PANK1: variants seen among roughly 807,000 people sequenced by gnomAD.
PANK1 encodes pantothenate kinase 1.
Under a neutral mutation model 40.1 loss-of-function variants are expected in PANK1, and 18 were observed. The ratio of observed to expected loss-of-function variants is 0.45; its 90% CI spans 0.31 to 0.67. PANK1 has a LOEUF of 0.67. PANK1 is among the 30% of genes least tolerant of loss of function. The probability of loss-of-function intolerance (pLI) is 0.06; values close to 1 mark genes in which losing one functional copy is unlikely to be tolerated. For missense variants in PANK1, 457 were observed against 599.6 expected (o/e 0.76, Z 2.48); for synonymous variants, 242 against 237.7 (o/e 1.02, Z -0.17).
chr10:89,643,545 T>A lies in PANK1; in HGVS notation c.292+1055A>T, dbSNP rs879190291. The stretch of plus-strand genomic sequence containing the variant: ...TAATCCAATACAGAAAAGCTAAGAG[T>A]CAAAAAGACATAGAAACAGGGAAAA... On this transcript the variant is annotated intron_variant, in intron 1 of 6. Transcript: ENST00000307534. 5 of 593,766 alleles carry A rather than the reference T, an allele frequency of 8.4e-6. No individual in the cohort carries two copies. In the Admixed American group the frequency reaches 1.2e-4, roughly 14 times the overall value. 36.8% of individuals were successfully genotyped at this position (593,766 alleles called of 1,614,324 possible).
chr10:89,611,999 C>T lies in PANK1; in HGVS notation c.342G>A (p.Val114=). 1.2e-6 allele frequency: 2 copies of T among 1,614,040 alleles called. No individual in the cohort carries two copies. Among genetic ancestry groups the T allele is most frequent in the Non-Finnish European group, 1.7e-6 (2 of 1,180,026 alleles). ...MDIGGTLVKL[V]YFEPKDITAE... ...CTGTAATATCCTTCGGCTCGAAATA[C>T]ACCAATTTAACCAGCGTTCCACCGA... Residue 114 remains valine, a synonymous_variant, in exon 2 of 7, where the codon GTG becomes GTA. Coordinates refer to ENST00000307534, the MANE Select transcript of PANK1 (RefSeq NM_148977.3).
At chr10:89,616,116 A>ACAGCAGGAAACCAGGCTC (rs1845307307) in intron 1 of PANK1, among the ~76,000 whole-genome samples, 1 of 152,242 alleles carries the variant, frequency 6.6e-6, no homozygotes. Flanking sequence ...TCAACAACGT[A>ACAGCAGGAAACCAGGCTC]CAGCAGGAAA....
intron 1 of PANK1, among the ~76,000 whole-genome samples, chr10:89,623,414 C>T (rs1257750111): frequency 2.0e-5 from 3 of 151,860 alleles, no homozygotes; most frequent in East Asian, 3.9e-4. Flanking sequence ...TTAGTGGAGA[C>T]GAGGTTTCAC....
At chr10:89,598,524 C>T (rs1019129217) in intron 3 of PANK1, among the ~76,000 whole-genome samples, 5 of 152,188 alleles carry the variant, frequency 3.3e-5, no homozygotes, top group Admixed American at 1.3e-4. Context: ...ATATCAAATC[C>T]TCCTCCTAGA....
Position 89,611,713 on chromosome 10 carries a change from C to T in PANK1, c.628G>A (p.Glu210Lys). ...CGACCTACCATTCTGAAGTCCTCTT[C>T]GAATTTGAAAGCCCCGCCTCCTGTG... Reference protein sequence around the residue: ...CATGGGAFKFEEDFRMIADLQ... With the variant: ...CATGGGAFKFKEDFRMIADLQ... The change falls in exon 2 of 7, where the codon GAA becomes AAA. Residue 210 changes from glutamate to lysine, a missense_variant. Glu to Lys is a moderately conservative substitution (Grantham distance 56, BLOSUM62 1). Coordinates refer to ENST00000307534, the MANE Select transcript of PANK1 (RefSeq NM_148977.3). The T allele has an allele frequency of 2.5e-6, 4 of 1,608,374 alleles. No individual in the cohort carries two copies. The highest frequency in any genetic ancestry group is 2.2e-5 in the East Asian group (1 of 44,786).
Position 89,644,893 on chromosome 10 carries a change from C to T in PANK1, c.-2G>A, listed in dbSNP as rs1411022021. 10 of 1,516,134 alleles carry T rather than the reference C, an allele frequency of 6.6e-6. No homozygotes were observed. The highest frequency in any genetic ancestry group is 2.3e-5 in the Admixed American group (1 of 43,842). The allele number at this position is 1,516,134 out of a possible 1,614,324, so 93.9% of individuals were successfully genotyped here. On this transcript the variant is annotated 5_prime_UTR_variant, in exon 1 of 7. Transcript: ENST00000307534. ...CTGCTGCCCGCTGCGGTCGCCCATG[C>T]CGGGGGCTGGCGGGGCTGTGCGCGG... is the stretch of plus-strand genomic sequence containing the variant.
Position 89,621,039 on chromosome 10 carries a change from C to T in PANK1, c.293-8991G>A, listed in dbSNP as rs189821563. 1.1e-4 allele frequency among the ~76,000 whole-genome samples: 17 copies of T among 152,248 alleles called. No homozygotes were observed. The East Asian group carries it at 1.2e-3, about 10-fold the overall frequency. Reference sequence around the variant, plus strand: ...TGTTAAGGCCGGGTGCGGTGGTTCACGCCTGTAATCCCAGCACTTTGGGAG... The same window carrying T: ...TGTTAAGGCCGGGTGCGGTGGTTCATGCCTGTAATCCCAGCACTTTGGGAG... On this transcript the variant is annotated intron_variant, in intron 1 of 6. Transcript: ENST00000307534.
chr10:89,600,177 G>A (rs1396959640), intron 2 of PANK1, among the ~76,000 whole-genome samples: 1 of 152,232 alleles, frequency 6.6e-6, no homozygotes, highest in Non-Finnish European at 1.5e-5. Context: ...AAGTTTATTT[G>A]TTATAGCAGT....
At chr10:89,627,788 A>G (rs1290264542) in intron 1 of PANK1, among the ~76,000 whole-genome samples, 1 of 152,226 alleles carries the variant, frequency 6.6e-6, no homozygotes, top group African/African-American at 2.4e-5. Flanking sequence ...TAACTATCAC[A>G]AAGTCAAGTC....
At chr10:89,607,372 A>G (rs1430963010) in intron 2 of PANK1, among the ~76,000 whole-genome samples, 1 of 152,232 alleles carries the variant, frequency 6.6e-6, no homozygotes, top group Non-Finnish European at 1.5e-5. Context: ...TTATATGGGC[A>G]TAATGTGGTG....
intron 1 of PANK1, among the ~76,000 whole-genome samples, chr10:89,632,497 G>GA (rs997329237): frequency 1.2e-4 from 18 of 148,324 alleles, no homozygotes; most frequent in Non-Finnish European, 2.4e-4. Flanking sequence ...ATCTATTTAA[G>GA]AAAAAAAAAA....
At chr10:89,601,173 A>T (rs1166591253) in intron 2 of PANK1, among the ~76,000 whole-genome samples, 1 of 152,046 alleles carries the variant, frequency 6.6e-6, no homozygotes, top group African/African-American at 2.4e-5. Flanking sequence ...CTTCATTATA[A>T]AAGTTAAGAG....
chr10:89,597,129 G>A (rs1844635177), intron 3 of PANK1, among the ~76,000 whole-genome samples: 1 of 152,176 alleles, frequency 6.6e-6, no homozygotes, highest in African/African-American at 2.4e-5. Flanking sequence ...AAAACCTGGA[G>A]TGACAGCTAT....
At chr10:89,639,201 T>C (rs1841904326) in intron 1 of PANK1, 1 of 454,304 alleles carries the variant, frequency 2.2e-6, no homozygotes, top group Non-Finnish European at 4.4e-6. Context: ...GGTGAAGGCC[T>C]TCTTGCTGCA....
chr10:89,614,729 A>G (rs1023161085), intron 1 of PANK1, among the ~76,000 whole-genome samples: 4 of 152,100 alleles, frequency 2.6e-5, no homozygotes, highest in African/African-American at 9.7e-5. Flanking sequence ...CCAGGGAGGC[A>G]GAGGTTGCAG....
At chr10:89,613,097 C>A (rs1424126986) in intron 1 of PANK1, among the ~76,000 whole-genome samples, 1 of 152,144 alleles carries the variant, frequency 6.6e-6, no homozygotes, top group East Asian at 1.9e-4. Context: ...AGGTGAGCTA[C>A]CTAAACAGTC....
intron 1 of PANK1, among the ~76,000 whole-genome samples, chr10:89,619,159 G>T (rs1329686085): frequency 6.6e-6 from 1 of 152,172 alleles, no homozygotes; most frequent in Non-Finnish European, 1.5e-5. Flanking sequence ...AACCAAGATT[G>T]TCTATCTGGT....
At chr10:89,596,915 A>G (rs11185778) in intron 3 of PANK1, among the ~76,000 whole-genome samples, 19,190 of 152,178 alleles carry the variant, frequency 0.13, 1,455 homozygotes, top group Middle Eastern at 0.19. Context: ...ATGAAGTACT[A>G]TTTCTTCCAT....
intron 5 of PANK1, chr10:89,592,654 A>G (rs528641066): frequency 2.2e-4 from 112 of 502,932 alleles, no homozygotes; most frequent in African/African-American, 1.7e-3. Flanking sequence ...GAATCTTGCA[A>G]TGCTTCAAAA....
Sources: gnomAD v4.1 joint callset for allele counts (sites outside exome capture counted in the v4.1 genomes callset) on GRCh38, gnomAD v4.1.1 for gene constraint, MANE v1.5 for transcripts, NCBI Gene and HGNC (gene_info 2026-07-23, HGNC 2026-07-21) for gene names.